ARHGEF10: variants seen among roughly 807,000 people sequenced by gnomAD.
The protein encoded by ARHGEF10 is Rho guanine nucleotide exchange factor (GEF) 10.
ARHGEF10 carries 140 observed loss-of-function variants against 147.4 expected under a neutral mutation model. That is an observed-to-expected ratio of 0.95 (90% CI 0.83 to 1.09). The LOEUF is 1.09. Ranked by LOEUF, ARHGEF10 falls within the 50% of genes least tolerant of loss-of-function variation. The probability of loss-of-function intolerance (pLI) is 0.00; values close to 1 mark genes in which losing one functional copy is unlikely to be tolerated. For synonymous variants in ARHGEF10, 902 were observed against 695.8 expected (o/e 1.30, Z -4.67); for missense variants, 2,222 against 1,752.7 (o/e 1.27, Z -4.78).
intron 25 of ARHGEF10, among the ~76,000 whole-genome samples, chr8:1,931,667 C>T (rs572022213): frequency 6.6e-6 from 1 of 152,358 alleles, no homozygotes; most frequent in South Asian, 2.1e-4. Context: ...GGGGAGGCTG[C>T]TTCCTAGCCC....
chr8:1,841,616 T>A (rs1313018560), intron 1 of ARHGEF10, among the ~76,000 whole-genome samples: 1 of 151,676 alleles, frequency 6.6e-6, no homozygotes, highest in Admixed American at 6.6e-5. Flanking sequence ...CAGGGCGTGG[T>A]TGTGGCTCGT....
At chr8:1,917,959 TGTA>T (rs1331327718) in intron 18 of ARHGEF10, among the ~76,000 whole-genome samples, 1 of 151,410 alleles carries the variant, frequency 6.6e-6, no homozygotes, top group Non-Finnish European at 1.5e-5. Flanking sequence ...TTTTTTTTTT[TGTA>T]TTTTTAGTAG....
chr8:1,952,021 C>T (rs1815099735), intron 27 of ARHGEF10, among the ~76,000 whole-genome samples: 1 of 150,170 alleles, frequency 6.7e-6, no homozygotes, highest in South Asian at 2.1e-4. Context: ...AGCCTTGTCA[C>T]TGCCGGAGCA....
At chr8:1,839,985 G>A (rs1252021356) in intron 1 of ARHGEF10, among the ~76,000 whole-genome samples, 1 of 149,026 alleles carries the variant, frequency 6.7e-6, no homozygotes, top group East Asian at 2.0e-4. Context: ...AAGCTGTCTG[G>A]TGTGGGGACT....
chr8:1,850,333 T>TGC (rs1805019945), intron 2 of ARHGEF10, among the ~76,000 whole-genome samples: 1 of 98,766 alleles, frequency 1.0e-5, no homozygotes, highest in Non-Finnish European at 2.0e-5. Context: ...GGGGCAACCG[T>TGC]GTGGACAGAC....
chr8:1,926,132 C>CATCA (rs1812673833), intron 22 of ARHGEF10, among the ~76,000 whole-genome samples: 1 of 152,202 alleles, frequency 6.6e-6, no homozygotes, highest in African/African-American at 2.4e-5. Context: ...TTTCAGTGTG[C>CATCA]TGATGGGATC....
At chr8:1,909,096 C>T (rs1426876790) in intron 17 of ARHGEF10, among the ~76,000 whole-genome samples, 199 bp from the exon 18 acceptor site, 2 of 152,200 alleles carry the variant, frequency 1.3e-5, no homozygotes, top group African/African-American at 2.4e-5. Context: ...TGCACTCTCT[C>T]TCATCCAGTT....
intron 8 of ARHGEF10, among the ~76,000 whole-genome samples, chr8:1,877,695 G>T (rs749178762): frequency 1.3e-5 from 2 of 151,954 alleles, no homozygotes; most frequent in Non-Finnish European, 2.9e-5. Context: ...CCCAGGTCTC[G>T]GTGGTGCCAG....
chr8:1,834,361 G>A (rs1803455701), intron 1 of ARHGEF10, among the ~76,000 whole-genome samples: 2 of 152,128 alleles, frequency 1.3e-5, no homozygotes, highest in Admixed American at 6.5e-5. Context: ...CCACGGAGAC[G>A]GTCTCAGTCC....
Position 1,898,412 on chromosome 8 carries a change from C to A in ARHGEF10, c.1558-21C>A, listed in dbSNP as rs117032761. 2,696 of 1,611,904 alleles carry A rather than the reference C, an allele frequency of 1.7e-3. 61 individuals carry two copies. The East Asian group carries it at 0.037, about 22-fold the overall frequency. ...GCATGGCAGCCCTGCAGGGAGGTGA[C>A]CCCGGTGCCTTCCCCCACAGCAGGA... is the stretch of plus-strand genomic sequence containing the variant. On this transcript the variant is annotated intron_variant, in intron 14 of 28. Transcript: ENST00000349830.
In ARHGEF10 at chr8:1,945,544, G is replaced by A. The variant is rs753002529; in HGVS notation, c.3286G>A (p.Gly1096Arg). 3 of 1,614,196 alleles carry A rather than the reference G, an allele frequency of 1.9e-6. No individual in the cohort carries two copies. Among genetic ancestry groups the A allele is most frequent in the Middle Eastern group, 1.6e-4 (1 of 6,062 alleles). ...CTCCCACATGGCCGTGTCCGGCGTC[G>A]GGATCTGGATTGCCTTCACCTCAGG... ...VISHMAVSGV[G>R]IWIAFTSGST... The change falls in exon 27 of 29, where the codon GGG (glycine) becomes AGG (arginine). Residue 1096 changes from glycine to arginine, a missense_variant. Transcript: ENST00000349830.
intron 27 of ARHGEF10, among the ~76,000 whole-genome samples, chr8:1,950,439 A>G (rs1814938387): frequency 6.6e-6 from 1 of 152,026 alleles, no homozygotes; most frequent in South Asian, 2.1e-4. Context: ...CTGGAACTTA[A>G]CTCTTTTACG....
chr8:1,831,149 G>A (rs1013207584), intron 1 of ARHGEF10, among the ~76,000 whole-genome samples: 6 of 152,032 alleles, frequency 3.9e-5, no homozygotes, highest in South Asian at 2.1e-4. Flanking sequence ...GGAGAGCCAC[G>A]GAGGGGCCAT....
rs372599634 is a variant in ARHGEF10 at position 1,885,066 on chromosome 8, T to C, written c.1076-535T>C. 2.6e-3 allele frequency among the ~76,000 whole-genome samples: 398 copies of C among 152,274 alleles called. 20 individuals are homozygous for C. The South Asian group carries it at 0.07, about 27-fold the overall frequency. ...GGGAGTGAGCCACCCCACCCAACTG[T>C]GAATTTAGTTTTTGTTTAAACTGTT... On this transcript the variant is annotated intron_variant, in intron 10 of 28. Transcript: ENST00000349830.
At chr8:1,898,830 G>T (rs1041517088) in intron 15 of ARHGEF10, among the ~76,000 whole-genome samples, 1 of 152,142 alleles carries the variant, frequency 6.6e-6, no homozygotes, top group East Asian at 1.9e-4. Flanking sequence ...CCCCAGCACT[G>T]GGGGGCCGCG....
At chr8:1,852,011 G>A (rs1486909723) in intron 2 of ARHGEF10, among the ~76,000 whole-genome samples, 1 of 152,102 alleles carries the variant, frequency 6.6e-6, no homozygotes, top group Admixed American at 6.5e-5. Context: ...TGTGGGGACG[G>A]CTCTCAGGCT....
intron 28 of ARHGEF10, among the ~76,000 whole-genome samples, chr8:1,956,289 G>C (rs1380455199): frequency 6.6e-6 from 1 of 152,168 alleles, no homozygotes; most frequent in Admixed American, 6.5e-5. Context: ...CTGAACCCCA[G>C]AACGTTTTTG....
chr8:1,853,754 C>G (rs972334863), intron 2 of ARHGEF10, among the ~76,000 whole-genome samples: 22 of 152,358 alleles, frequency 1.4e-4, no homozygotes, highest in African/African-American at 3.8e-4. Flanking sequence ...GCTGTGTGTG[C>G]TCCCCGGGAA....
intron 1 of ARHGEF10, among the ~76,000 whole-genome samples, chr8:1,833,119 GAGAGAC>G (rs1803337845): frequency 7.9e-6 from 1 of 127,124 alleles, no homozygotes; most frequent in Non-Finnish European, 1.7e-5. Flanking sequence ...CAGAGGCAGA[GAGAGAC>G]AGAGGCAGAG....
Sources: allele counts gnomAD v4.1 joint callset (sites outside exome capture counted in the v4.1 genomes callset), GRCh38; gene constraint gnomAD v4.1.1; transcripts MANE v1.5; gene names NCBI Gene and HGNC (gene_info 2026-07-23, HGNC 2026-07-21).